Variants in MVB12B observed in about 807,000 individuals in gnomAD.
The protein encoded by MVB12B is ESCRT-I complex subunit MVB12B.
MVB12B carries 16 observed loss-of-function variants against 41.6 expected under a neutral mutation model. The observed-to-expected ratio is 0.38, with a 90% CI of 0.26 to 0.58. MVB12B has a LOEUF of 0.58. Among genes scored for constraint, MVB12B ranks in the 20% least tolerant of loss-of-function variants. MVB12B has a pLI of 0.62. For missense variants in MVB12B, 274 were observed against 380.2 expected (o/e 0.72, Z 2.32); for synonymous variants, 133 against 139.7 (o/e 0.95, Z 0.34).
At chr9:126,413,758 T>C (rs1831717029) in intron 6 of MVB12B, among the ~76,000 whole-genome samples, 1 of 152,042 alleles carries the variant, frequency 6.6e-6, no homozygotes, top group Non-Finnish European at 1.5e-5. Flanking sequence ...TCACCATCAG[T>C]ATTTGCCAGG....
intron 9 of MVB12B, among the ~76,000 whole-genome samples, chr9:126,494,765 C>A (rs1015503174): frequency 1.3e-5 from 2 of 152,082 alleles, no homozygotes; most frequent in African/African-American, 4.8e-5. Flanking sequence ...GGTTTTAAAT[C>A]TCTTCTACAA....
chr9:126,430,134 T>A lies in MVB12B; in HGVS notation c.757+8186T>A, dbSNP rs535477810. Among the ~76,000 whole-genome samples the A allele has an allele frequency of 4.6e-5, 7 of 152,302 alleles. No individual in the cohort carries two copies. In the East Asian group the frequency reaches 1.4e-3, roughly 29 times the overall value. ...CAGGCTTTTCTAGCCTCAGCCCAGTTGCCCAGGTAGCTGACTCATCTCTCC... is the reference window on the plus strand; with the variant it reads ...CAGGCTTTTCTAGCCTCAGCCCAGTAGCCCAGGTAGCTGACTCATCTCTCC... On this transcript the variant is annotated intron_variant, in intron 7 of 9. Coordinates refer to ENST00000361171, the MANE Select transcript of MVB12B (RefSeq NM_033446.3).
At chr9:126,361,862 T>A (rs981179107) in intron 2 of MVB12B, among the ~76,000 whole-genome samples, 1 of 148,320 alleles carries the variant, frequency 6.7e-6, no homozygotes, top group Non-Finnish European at 1.5e-5. Flanking sequence ...TGCAGTGAGC[T>A]GTGATTGCGT....
At chr9:126,447,637 C>G (rs996389417) in intron 7 of MVB12B, among the ~76,000 whole-genome samples, 26 of 152,132 alleles carry the variant, frequency 1.7e-4, no homozygotes, top group Middle Eastern at 3.2e-3. Context: ...TACTTGAAAA[C>G]ACATCTTCTC....
intron 7 of MVB12B, among the ~76,000 whole-genome samples, chr9:126,440,561 A>G (rs1011425896): frequency 6.6e-6 from 1 of 152,202 alleles, no homozygotes; most frequent in African/African-American, 2.4e-5. Context: ...AAGAAAAAAA[A>G]AGCCCAACAG....
intron 7 of MVB12B, among the ~76,000 whole-genome samples, chr9:126,461,890 C>T (rs1441392488): frequency 6.6e-6 from 1 of 152,200 alleles, no homozygotes; most frequent in Non-Finnish European, 1.5e-5. Flanking sequence ...ACCCGCCAGC[C>T]ATTCATCTCC....
Position 126,505,710 on chromosome 9 carries a change from G to C in MVB12B, c.*2447G>C, listed in dbSNP as rs1834055644. On this transcript the variant is annotated 3_prime_UTR_variant, in exon 10 of 10. Transcript: ENST00000361171. The stretch of plus-strand genomic sequence containing the variant: ...TGTGTGTGTGCACGCACATGCGTGT[G>C]TATAAGCCCACCTGAGTGGGGCTCG... The C allele has an allele frequency of 6.6e-6, 1 of 152,094 alleles. No homozygotes were observed. The highest frequency in any genetic ancestry group is 6.5e-5 in the Admixed American group (1 of 15,270). The allele number at this position is 152,094 out of a possible 1,614,324, so 9.4% of individuals were successfully genotyped here.
intron 7 of MVB12B, among the ~76,000 whole-genome samples, chr9:126,428,599 A>G (rs1446599779): frequency 6.6e-6 from 1 of 152,194 alleles, no homozygotes; most frequent in East Asian, 1.9e-4. Context: ...AAAAGACTCA[A>G]ACAATGGGGT....
chr9:126,351,902 A>G (rs1193798987), intron 2 of MVB12B, among the ~76,000 whole-genome samples: 1 of 152,112 alleles, frequency 6.6e-6, no homozygotes, highest in African/African-American at 2.4e-5. Context: ...TATCATGAAT[A>G]GGTATGGAAT....
At chr9:126,490,213 C>T (rs1030894748) in intron 9 of MVB12B, among the ~76,000 whole-genome samples, 2 of 152,198 alleles carry the variant, frequency 1.3e-5, no homozygotes, top group African/African-American at 4.8e-5. Flanking sequence ...AGCTGCCTGG[C>T]TCTGCAGTCC....
At chr9:126,390,018 C>G (rs1830900720) in intron 4 of MVB12B, among the ~76,000 whole-genome samples, 1 of 152,126 alleles carries the variant, frequency 6.6e-6, no homozygotes, top group South Asian at 2.1e-4. Flanking sequence ...TTTCTTGTCC[C>G]CCTCCCCACT....
At chr9:126,462,068 C>T (rs1588191570) in intron 7 of MVB12B, among the ~76,000 whole-genome samples, 1 of 152,206 alleles carries the variant, frequency 6.6e-6, no homozygotes, top group African/African-American at 2.4e-5. Flanking sequence ...ACGATAAAAA[C>T]GCTCTGCTGT....
In MVB12B at chr9:126,505,674, GTGTGTA is replaced by G. The variant is rs58040167; in HGVS notation, c.*2413_*2418del. On this transcript the variant is annotated 3_prime_UTR_variant, in exon 10 of 10. Coordinates refer to ENST00000361171, the MANE Select transcript of MVB12B (RefSeq NM_033446.3). ...TGTGCCTGTGTGTGTGTGTGTGTGT[GTGTGTA>G]TATGTGTGTGTGTGCACGCACATGC... 0.14 allele frequency: 17,357 copies of G among 124,804 alleles called. 1,624 individuals carry two copies. The highest frequency in any genetic ancestry group is 0.27 in the African/African-American group (10,577 of 38,706). The allele number at this position is 124,804 out of a possible 1,614,324, so 7.7% of individuals were successfully genotyped here. A position where few individuals can be genotyped will look rare whatever the true frequency, so the allele number is the denominator to read the frequency against.
At chr9:126,441,076 A>G (rs938089615) in intron 7 of MVB12B, among the ~76,000 whole-genome samples, 3 of 152,216 alleles carry the variant, frequency 2.0e-5, no homozygotes, top group Non-Finnish European at 2.9e-5. Flanking sequence ...TGCAGCCCTC[A>G]TTAGTCACGA....
In MVB12B at chr9:126,347,099, G is replaced by A. The variant is rs117631618; in HGVS notation, c.204+6469G>A. On this transcript the variant is annotated intron_variant, in intron 2 of 9. Transcript: ENST00000361171. ...GGTAGGAAAGTGTCGAATGTGTCTA[G>A]TTACTGATGAGAAGGAACCAAAGAA... Among the ~76,000 whole-genome samples, 50 of 152,370 alleles carry A rather than the reference G, an allele frequency of 3.3e-4. No homozygotes were observed. The East Asian group carries it at 9.4e-3, about 29-fold the overall frequency.
intron 2 of MVB12B, among the ~76,000 whole-genome samples, chr9:126,361,721 AT>A (rs1425773081): frequency 1.3e-5 from 2 of 152,012 alleles, no homozygotes; most frequent in African/African-American, 4.8e-5. Flanking sequence ...CTAAGTTGGC[AT>A]TTTCTTTCAG....
intron 7 of MVB12B, among the ~76,000 whole-genome samples, chr9:126,446,189 T>TA (rs1030652046): frequency 2.0e-5 from 3 of 152,066 alleles, no homozygotes; most frequent in African/African-American, 7.2e-5. Flanking sequence ...GAGTTTCATA[T>TA]AAAAAAATTT....
rs1035436679 is a variant in MVB12B at position 126,376,367 on chromosome 9, T to C, written c.205-4697T>C. ...TCTTTGCTACCTTCAAGCTCCCTTT[T>C]TTCTATTTTGGGCCCTTCTGTCATG... On this transcript the variant is annotated intron_variant, in intron 2 of 9. Transcript: ENST00000361171. This position sits in a 1 kb window ranked among gnomAD's most constrained non-coding sequence, Gnocchi z 4.1. The C allele has an allele frequency of 1.0e-4, 52 of 503,380 alleles. No homozygotes were observed. Among genetic ancestry groups the C allele is most frequent in the Non-Finnish European group, 9.5e-5 (27 of 285,122 alleles). The allele number at this position is 503,380 out of a possible 1,614,324, so 31.2% of individuals were successfully genotyped here. A position where few individuals can be genotyped will look rare whatever the true frequency, so the allele number is the denominator to read the frequency against.
intron 2 of MVB12B, among the ~76,000 whole-genome samples, chr9:126,368,740 G>T (rs1259075856): frequency 6.6e-6 from 1 of 152,054 alleles, no homozygotes; most frequent in Non-Finnish European, 1.5e-5. Flanking sequence ...ATAAGGAATA[G>T]AAGAATATCT....
Sources: allele counts gnomAD v4.1 joint callset (sites outside exome capture counted in the v4.1 genomes callset), GRCh38; gene constraint gnomAD v4.1.1; non-coding constraint Gnocchi (gnomAD v3.1); transcripts MANE v1.5; gene names NCBI Gene and HGNC (gene_info 2026-07-23, HGNC 2026-07-21).